The following GRM1 variants were observed in gnomAD, a reference collection of about 807,000 sequenced individuals.
GRM1 encodes the protein metabotropic glutamate receptor 1.
In GRM1, 33 loss-of-function variants were observed where a neutral mutation model predicts 90.9. The observed-to-expected ratio is 0.36, with a 90% confidence interval of 0.28 to 0.49. The LOEUF is 0.49. Among genes scored for constraint, GRM1 ranks in the 20% least tolerant of loss-of-function variants. The pLI is 0.99. For missense variants in GRM1, 1,190 were observed against 1,534.3 expected, an observed-to-expected ratio of 0.78 and a Z score of 3.75; for synonymous variants, 700 against 613.2, an observed-to-expected ratio of 1.14 and a Z score of -2.09.
At chr6:146,117,277 A>G (rs1775787388) in intron 1 of GRM1, among the ~76,000 whole-genome samples, 1 of 151,674 alleles carries the variant, frequency 6.6e-6, no homozygotes, top group African/African-American at 2.4e-5. Flanking sequence ...AATATAAAAT[A>G]TTTATCTTTC....
chr6:146,040,809 G>A (rs751698936), intron 1 of GRM1, among the ~76,000 whole-genome samples: 3 of 151,812 alleles, frequency 2.0e-5, no homozygotes, highest in Non-Finnish European at 4.4e-5. Context: ...GAGTTTTCTT[G>A]TATTATTTCT....
Position 146,357,713 on chromosome 6 carries a change from C to T in GRM1, c.1602+19C>T, listed in dbSNP as rs1420204051. The T allele has an allele frequency of 4.4e-6, 7 of 1,604,126 alleles. No individual in the cohort carries two copies. The highest frequency in any genetic ancestry group is 6.0e-6 in the Non-Finnish European group (7 of 1,171,320). ...GATTAAGGTAAGCCACAAATGCATT[C>T]TTGCATGGTATCTGTGAGGAGGTTG... On this transcript the variant is annotated intron_variant, in intron 5 of 7. Coordinates refer to ENST00000282753, the MANE Select transcript of GRM1 (RefSeq NM_001278064.2).
chr6:146,326,462 A>G (rs917455392), intron 3 of GRM1, among the ~76,000 whole-genome samples: 1 of 152,160 alleles, frequency 6.6e-6, no homozygotes, highest in Non-Finnish European at 1.5e-5. Flanking sequence ...GAAAGGAGGG[A>G]GAGGATCAGG....
chr6:146,140,054 C>T (rs1776791560), intron 1 of GRM1, among the ~76,000 whole-genome samples: 1 of 141,492 alleles, frequency 7.1e-6, no homozygotes. Context: ...CCTCTCTTCT[C>T]CTTTCCTCTC....
intron 4 of GRM1, 40 bp from the exon 5 acceptor site, chr6:146,357,486 G>C: frequency 6.6e-7 from 1 of 1,518,392 alleles, no homozygotes; most frequent in Admixed American, 1.7e-5. Flanking sequence ...TCTACATTAT[G>C]TCTATATTCT....
chr6:146,398,726 C>A lies in GRM1; in HGVS notation c.1730-43C>A, dbSNP rs919102559. On this transcript the variant is annotated intron_variant, in intron 6 of 7. Transcript: ENST00000282753. ...TTAATAGGCAAGTTGTTATTCCTAG[C>A]AGAAACCTTGGATTCATGCTCAAAT... is the stretch of plus-strand genomic sequence containing the variant. 1.3e-5 allele frequency: 18 copies of A among 1,333,968 alleles called. 1 individual carries two copies. The South Asian group carries it at 1.9e-4, about 14-fold the overall frequency. The allele number at this position is 1,333,968 out of a possible 1,614,324, so 82.6% of individuals were successfully genotyped here.
At chr6:146,370,140 A>G (rs1775844729) in intron 5 of GRM1, among the ~76,000 whole-genome samples, 1 of 152,068 alleles carries the variant, frequency 6.6e-6, no homozygotes, top group African/African-American at 2.4e-5. Context: ...GAGTATAGCT[A>G]TTCTTGCTCT....
chr6:146,048,331 T>G (rs947136689), intron 1 of GRM1, among the ~76,000 whole-genome samples: 8 of 152,032 alleles, frequency 5.3e-5, no homozygotes, highest in African/African-American at 1.9e-4. Context: ...GGACTTACTT[T>G]TAGGAAGAGA....
intron 2 of GRM1, among the ~76,000 whole-genome samples, chr6:146,222,047 G>T (rs186490399): frequency 1.3e-5 from 2 of 152,190 alleles, no homozygotes; most frequent in East Asian, 3.9e-4. Context: ...AGAAACTCAG[G>T]TGTGTAACCT....
At chr6:146,187,114 T>C (rs565302578) in intron 2 of GRM1, among the ~76,000 whole-genome samples, 38 of 152,306 alleles carry the variant, frequency 2.5e-4, no homozygotes, top group Admixed American at 2.3e-3. Flanking sequence ...CTGCTTCTTT[T>C]AATTTTGATA....
At chr6:146,430,936 A>G (rs1444260342) in intron 7 of GRM1, among the ~76,000 whole-genome samples, 1 of 152,258 alleles carries the variant, frequency 6.6e-6, no homozygotes, top group African/African-American at 2.4e-5. Flanking sequence ...GTCTACAAAT[A>G]CATAATATTT....
At chr6:146,048,932 G>A (rs1791429424) in intron 1 of GRM1, among the ~76,000 whole-genome samples, 1 of 151,836 alleles carries the variant, frequency 6.6e-6, no homozygotes, top group African/African-American at 2.4e-5. Flanking sequence ...ATAAATTTTT[G>A]TTGTTTAAGC....
At chr6:146,409,196 C>G in intron 7 of GRM1, among the ~76,000 whole-genome samples, 1 of 152,164 alleles carries the variant, frequency 6.6e-6, no homozygotes, top group Non-Finnish European at 1.5e-5. Flanking sequence ...CCTATGCCTT[C>G]TTCATCTTCT....
At chr6:146,365,108 A>G (rs556734949) in intron 5 of GRM1, 2 of 152,202 alleles carry the variant, frequency 1.3e-5, no homozygotes, top group Non-Finnish European at 2.9e-5. Context: ...CCACAGGCAT[A>G]TCAAAGAATC....
chr6:146,033,294 G>A (rs899611993), intron 1 of GRM1, among the ~76,000 whole-genome samples: 1 of 152,060 alleles, frequency 6.6e-6, no homozygotes, highest in African/African-American at 2.4e-5. Flanking sequence ...ATATAGTAGA[G>A]AAATAGCCTA....
chr6:146,432,896 T>G (rs1429643544), intron 7 of GRM1, among the ~76,000 whole-genome samples: 3 of 152,164 alleles, frequency 2.0e-5, no homozygotes, highest in Non-Finnish European at 4.4e-5. Context: ...ATGGCTGCTT[T>G]TCTGTGGGTG....
chr6:146,422,450 T>C (rs1778029948), intron 7 of GRM1, among the ~76,000 whole-genome samples: 2 of 152,224 alleles, frequency 1.3e-5, no homozygotes, highest in African/African-American at 4.8e-5. Flanking sequence ...TGTCTTTATT[T>C]TTCCATCCTT....
chr6:146,272,274 A>G (rs1782192301), intron 2 of GRM1, among the ~76,000 whole-genome samples: 3 of 152,234 alleles, frequency 2.0e-5, no homozygotes, highest in Non-Finnish European at 4.4e-5. Context: ...GAATGAACAT[A>G]ATAATCTCCT....
chr6:146,058,132 A>G (rs1487095698), intron 1 of GRM1, among the ~76,000 whole-genome samples: 1 of 152,078 alleles, frequency 6.6e-6, no homozygotes, highest in African/African-American at 2.4e-5. Flanking sequence ...TCACATACAG[A>G]ATTATGTAGA....
Sources: gnomAD v4.1 joint callset for allele counts (sites outside exome capture counted in the v4.1 genomes callset) on GRCh38, gnomAD v4.1.1 for gene constraint, MANE v1.5 for transcripts, NCBI Gene and HGNC (gene_info 2026-07-23, HGNC 2026-07-21) for gene names.